Variants in TMCO4 observed in about 807,000 individuals in gnomAD.
TMCO4 encodes transmembrane and coiled-coil domain-containing protein 4.
Under a neutral mutation model 64.7 loss-of-function variants are expected in TMCO4, and 58 were observed. That is an observed-to-expected ratio of 0.90 (90% CI 0.73 to 1.12). The LOEUF (loss-of-function observed/expected upper bound fraction) is 1.12, where lower values mean the gene tolerates loss of function less well. Among genes scored for constraint, TMCO4 ranks in the 50% most tolerant of loss-of-function variants. The pLI is 0.00. For synonymous variants in TMCO4, 325 were observed against 346.1 expected, an observed-to-expected ratio of 0.94 and a Z score of 0.68; for missense variants, 780 against 825.9, an observed-to-expected ratio of 0.94 and a Z score of 0.68.
chr1:19,719,078 G>A (rs915152083), intron 13 of TMCO4, among the ~76,000 whole-genome samples: 1 of 152,184 alleles, frequency 6.6e-6, no homozygotes, highest in African/African-American at 2.4e-5. Context: ...TGAAGAAGTC[G>A]CTGCTGCAGC....
Position 19,755,858 on chromosome 1 carries a change from A to G in TMCO4, c.383-92T>C, listed in dbSNP as rs190499762. On this transcript the variant is annotated intron_variant, in intron 6 of 15. Coordinates refer to ENST00000294543, the MANE Select transcript of TMCO4 (RefSeq NM_181719.7). ...GTAACTGATAAAACCCACACTAGAA[A>G]CAGCCTAAATGTACAACCCCATGGG... The G allele has an allele frequency of 2.1e-4, 319 of 1,498,906 alleles. 5 individuals are homozygous for G. In the African/African-American group the frequency reaches 3.0e-3, roughly 14 times the overall value. The allele number at this position is 1,498,906 out of a possible 1,614,324, so 92.9% of individuals were successfully genotyped here.
chr1:19,768,684 C>T (rs1258675165), intron 6 of TMCO4, among the ~76,000 whole-genome samples: 1 of 152,192 alleles, frequency 6.6e-6, no homozygotes, highest in Non-Finnish European at 1.5e-5. Flanking sequence ...CCTTTCAGCT[C>T]CACGATATGG....
chr1:19,690,802 T>G (rs12127394), intron 15 of TMCO4, among the ~76,000 whole-genome samples: 11,142 of 152,028 alleles, frequency 0.073, 433 homozygotes, highest in Middle Eastern at 0.12. Context: ...CTGGGGATGC[T>G]TAATACCTCC....
chr1:19,774,393 C>G (rs763677969), intron 4 of TMCO4, among the ~76,000 whole-genome samples: 1 of 152,124 alleles, frequency 6.6e-6, no homozygotes, highest in Non-Finnish European at 1.5e-5. Flanking sequence ...CCTCTCTGGG[C>G]CTTAGTTTCC....
At chr1:19,733,057 G>C (rs2095436896) in intron 13 of TMCO4, among the ~76,000 whole-genome samples, 1 of 152,092 alleles carries the variant, frequency 6.6e-6, no homozygotes, top group East Asian at 1.9e-4. Flanking sequence ...CTTGAGGTCG[G>C]GAGTTTGGGA....
chr1:19,791,774 G>A lies in TMCO4; in HGVS notation c.-100-4657C>T, dbSNP rs569800380. Reference sequence around the variant, plus strand: ...GCCCTGGGGCTCAGGAGTCACTGACGGAAGGAGGAGCTCCCAGCTCCCGGT... The same window carrying A: ...GCCCTGGGGCTCAGGAGTCACTGACAGAAGGAGGAGCTCCCAGCTCCCGGT... On this transcript the variant is annotated intron_variant, in intron 2 of 15. Transcript: ENST00000294543. Among the ~76,000 whole-genome samples, 80 of 152,318 alleles carry A rather than the reference G, an allele frequency of 5.3e-4. 1 individual carries two copies. Among genetic ancestry groups the A allele is most frequent in the African/African-American group, 1.5e-3 (61 of 41,584 alleles).
intron 13 of TMCO4, among the ~76,000 whole-genome samples, chr1:19,703,915 A>G (rs367925519): frequency 1.3e-5 from 2 of 152,142 alleles, no homozygotes; most frequent in African/African-American, 4.8e-5. Context: ...TTGCTGGGAA[A>G]TGTTCCCGGC....
intron 13 of TMCO4, among the ~76,000 whole-genome samples, chr1:19,715,472 G>C (rs1238389040): frequency 6.6e-6 from 1 of 152,156 alleles, no homozygotes; most frequent in African/African-American, 2.4e-5. Context: ...ATGATGTCTA[G>C]AATCACCTGT....
chr1:19,717,347 T>G (rs1171690910), intron 13 of TMCO4, among the ~76,000 whole-genome samples: 1 of 152,210 alleles, frequency 6.6e-6, no homozygotes, highest in Non-Finnish European at 1.5e-5. Context: ...AAATGGGGTC[T>G]GCCTGATTGC....
At chr1:19,686,746 G>C (rs917823707) in intron 15 of TMCO4, among the ~76,000 whole-genome samples, 64 of 152,214 alleles carry the variant, frequency 4.2e-4, no homozygotes, top group Admixed American at 3.9e-3. Flanking sequence ...GAAAAGCTGG[G>C]GTACCAGCCT....
chr1:19,742,629 C>T (rs2100857253), intron 10 of TMCO4, among the ~76,000 whole-genome samples: 1 of 152,312 alleles, frequency 6.6e-6, no homozygotes, highest in South Asian at 2.1e-4. Flanking sequence ...GCGAGAAGCA[C>T]AGGCTTGATG....
At chr1:19,692,786 C>A (rs2095206652) in intron 15 of TMCO4, among the ~76,000 whole-genome samples, 1 of 151,766 alleles carries the variant, frequency 6.6e-6, no homozygotes, top group South Asian at 2.1e-4. Flanking sequence ...AGGCTTAGGG[C>A]AGAGCGGGAC....
intron 14 of TMCO4, among the ~76,000 whole-genome samples, chr1:19,696,892 A>G (rs1007795376): frequency 6.6e-6 from 1 of 152,236 alleles, no homozygotes; most frequent in Non-Finnish European, 1.5e-5. Flanking sequence ...ATGGGCCTTC[A>G]CTGGCATTCA....
intron 13 of TMCO4, among the ~76,000 whole-genome samples, chr1:19,728,483 A>ATT (rs1278159457): frequency 6.6e-6 from 1 of 152,160 alleles, no homozygotes; most frequent in Non-Finnish European, 1.5e-5. Context: ...GGCAGCTCTG[A>ATT]TTTTCAAGGC....
At position 19,737,452 on chromosome 1, in the gene TMCO4, C is replaced by T. The variant is rs371873831; in HGVS notation, c.1184G>A (p.Arg395Gln). Residue 395 changes from arginine (R) to glutamine (Q), a missense_variant, in exon 13 of 16, where the codon CGA becomes CAA. Arg to Gln is a conservative substitution (Grantham distance 43). Coordinates refer to ENST00000294543, the MANE Select transcript of TMCO4 (RefSeq NM_181719.7). ...AHILLSRQQG[R>Q]RPVTLIGFSL... Reference sequence around the variant, plus strand: ...GAAGCCAATCAAGGTGACAGGTCGTCGCCCCTGAAGGGAAAAAGGACACAG... The same window carrying T: ...GAAGCCAATCAAGGTGACAGGTCGTTGCCCCTGAAGGGAAAAAGGACACAG... 2.0e-5 allele frequency: 32 copies of T among 1,613,814 alleles called. No homozygotes were observed. The highest frequency in any genetic ancestry group is 3.3e-5 in the South Asian group (3 of 91,070).
intron 13 of TMCO4, among the ~76,000 whole-genome samples, chr1:19,703,861 G>A (rs2095288292): frequency 6.6e-6 from 1 of 152,016 alleles, no homozygotes; most frequent in South Asian, 2.1e-4. Context: ...TCTTTCTTAT[G>A]GTCTGAGTTC....
rs545614034 is a variant in TMCO4, at chr1:19,702,211, C to T, written c.1265-1326G>A. On this transcript the variant is annotated intron_variant, in intron 13 of 15. Coordinates refer to ENST00000294543, the MANE Select transcript of TMCO4 (RefSeq NM_181719.7). ...GTCCTGATCTCCTGACCTCGTGATC[C>T]GCCTGCCTCAGCCTCCCAAAGTGCT... 1.7e-4 allele frequency among the ~76,000 whole-genome samples: 25 copies of T among 150,496 alleles called. No individual in the cohort carries two copies. In the South Asian group the frequency reaches 4.5e-3, roughly 27 times the overall value.
At chr1:19,775,407 T>C (rs2043164230) in intron 4 of TMCO4, among the ~76,000 whole-genome samples, 1 of 152,182 alleles carries the variant, frequency 6.6e-6, no homozygotes, top group Non-Finnish European at 1.5e-5. Context: ...TTCTCAAAGT[T>C]CTTACAGCAG....
At chr1:19,698,909 A>G (rs757659170) in intron 14 of TMCO4, among the ~76,000 whole-genome samples, 2 of 152,212 alleles carry the variant, frequency 1.3e-5, no homozygotes, top group Non-Finnish European at 2.9e-5. Flanking sequence ...CCAAAAAATC[A>G]TGTGCGGCGG....
Sources: allele counts gnomAD v4.1 joint callset (sites outside exome capture counted in the v4.1 genomes callset), GRCh38; gene constraint gnomAD v4.1.1; transcripts MANE v1.5; gene names NCBI Gene and HGNC (gene_info 2026-07-23, HGNC 2026-07-21).